Variants in LRTM1 observed in about 807,000 individuals in gnomAD.
LRTM1 encodes the protein leucine rich repeat transmembrane protein 1.
Under a neutral mutation model 32.4 loss-of-function variants are expected in LRTM1, and 38 were observed. The ratio of observed to expected loss-of-function variants is 1.17; its 90% CI spans 0.91 to 1.54. LRTM1 has a LOEUF of 1.54. LRTM1 is among the 40% of genes most tolerant of loss of function. LRTM1 has a pLI of 0.00. For missense variants in LRTM1, 466 were observed against 415.4 expected, an observed-to-expected ratio of 1.12 and a Z score of -1.06; for synonymous variants, 186 against 169.9, an observed-to-expected ratio of 1.09 and a Z score of -0.74.
At chr3:54,946,003 C>T (rs1701605143) in intron 1 of LRTM1, among the ~76,000 whole-genome samples, 1 of 152,204 alleles carries the variant, frequency 6.6e-6, no homozygotes, top group South Asian at 2.1e-4. Flanking sequence ...TAGCTCTTTC[C>T]AAACAGCAGG....
chr3:54,946,294 C>T (rs1231372850), intron 1 of LRTM1, among the ~76,000 whole-genome samples: 2 of 152,168 alleles, frequency 1.3e-5, no homozygotes, highest in African/African-American at 4.8e-5. Context: ...CCCTCTTATA[C>T]TCCTGTACCC....
upstream of LRTM1, among the ~76,000 whole-genome samples, chr3:54,932,706 A>G (rs376630929): frequency 6.6e-6 from 1 of 152,146 alleles, no homozygotes; most frequent in Admixed American, 6.5e-5. Context: ...AAATATGAGC[A>G]TTTCTCCCAA....
chr3:54,952,577 T>A (rs1440107958), intron 1 of LRTM1, among the ~76,000 whole-genome samples: 2 of 152,230 alleles, frequency 1.3e-5, no homozygotes, highest in East Asian at 3.8e-4. Context: ...GGTCATTAAA[T>A]GCATATTTTT....
chr3:54,940,973 T>C (rs1397679498), intron 1 of LRTM1, among the ~76,000 whole-genome samples: 1 of 152,218 alleles, frequency 6.6e-6, no homozygotes, highest in African/African-American at 2.4e-5. Flanking sequence ...ATAAGGGAGA[T>C]TATTTCATAG....
At chr3:54,966,031 C>T (rs1333236741) in intron 1 of LRTM1, among the ~76,000 whole-genome samples, 1 of 152,090 alleles carries the variant, frequency 6.6e-6, no homozygotes, top group Non-Finnish European at 1.5e-5. Flanking sequence ...CCGACAGGGG[C>T]AGATGAGAAC....
At chr3:54,950,221 T>C (rs776990710) in intron 1 of LRTM1, among the ~76,000 whole-genome samples, 16 of 152,368 alleles carry the variant, frequency 1.1e-4, no homozygotes, top group Non-Finnish European at 2.1e-4. Context: ...AACTTCAACA[T>C]GCTCAAGCAA....
At position 54,946,529 on chromosome 3, in the gene LRTM1, G is replaced by A. The variant is rs569248064; in HGVS notation, c.-222+20399C>T. Among the ~76,000 whole-genome samples, 108 of 152,256 alleles carry A rather than the reference G, an allele frequency of 7.1e-4. 2 individuals carry two copies. Among genetic ancestry groups the A allele is most frequent in the Admixed American group, 1.4e-3 (21 of 15,300 alleles). On this transcript the variant is annotated intron_variant, in intron 1 of 2. Coordinates refer to the LRTM1 transcript ENST00000493075. ...CGTTAGCAGCAGGAAAGAAGAGAAA[G>A]CCTCTTAGAAACAGCCCTTCCAGTG...
upstream of LRTM1, among the ~76,000 whole-genome samples, chr3:54,931,231 T>A (rs1194379421): frequency 6.6e-6 from 1 of 152,138 alleles, no homozygotes; most frequent in Non-Finnish European, 1.5e-5. Flanking sequence ...AGCTAATGGG[T>A]TCCTGGCAAC....
chr3:54,955,553 C>A (rs139883366), intron 1 of LRTM1, among the ~76,000 whole-genome samples: 72 of 152,262 alleles, frequency 4.7e-4, no homozygotes, highest in African/African-American at 1.4e-3. Flanking sequence ...CAATACTAAG[C>A]TAGAGGAACG....
upstream of LRTM1, among the ~76,000 whole-genome samples, chr3:54,929,338 G>A (rs1203982294): frequency 2.0e-5 from 3 of 152,164 alleles, no homozygotes; most frequent in Non-Finnish European, 2.9e-5. Context: ...TTTGTATGCT[G>A]CCAACTTCTG....
At chr3:54,940,567 A>G (rs958604930) in intron 1 of LRTM1, among the ~76,000 whole-genome samples, 1 of 152,152 alleles carries the variant, frequency 6.6e-6, no homozygotes, top group Non-Finnish European at 1.5e-5. Context: ...TTGTCTTTAT[A>G]TAATGCAGCA....
chr3:54,951,922 C>T (rs563392185), intron 1 of LRTM1, among the ~76,000 whole-genome samples: 1 of 152,152 alleles, frequency 6.6e-6, no homozygotes, highest in Non-Finnish European at 1.5e-5. Context: ...GATCTCGGCT[C>T]ACTGCAACCT....
chr3:54,966,320 A>T (rs1400451810), intron 1 of LRTM1, among the ~76,000 whole-genome samples: 4 of 152,100 alleles, frequency 2.6e-5, no homozygotes, highest in Admixed American at 2.6e-4. Context: ...GGAAGATGAG[A>T]TTTATTTGAA....
chr3:54,942,415 G>A (rs1287458942), intron 1 of LRTM1, among the ~76,000 whole-genome samples: 3 of 152,204 alleles, frequency 2.0e-5, no homozygotes, highest in African/African-American at 7.2e-5. Context: ...TTGGGCACAG[G>A]GAGAAATAAG....
At position 54,918,321 on chromosome 3, in the gene LRTM1, CTT is replaced by C. The variant is rs60257399; in HGVS notation, c.*136_*137del. 15 of 394,374 alleles carry C rather than the reference CTT, an allele frequency of 3.8e-5. No individual in the cohort carries two copies. Among genetic ancestry groups the C allele is most frequent in the East Asian group, 2.1e-4 (4 of 19,492 alleles). The allele number at this position is 394,374 out of a possible 1,614,324, so 24.4% of individuals were successfully genotyped here. ...CCAGAAATATTTTTTACAGACACAT[CTT>C]TTTTTTTTCTTTTTTTTTTTTTTTT... is the stretch of plus-strand genomic sequence containing the variant. On this transcript the variant is annotated 3_prime_UTR_variant, in exon 3 of 3. Coordinates refer to ENST00000273286, the MANE Select transcript of LRTM1 (RefSeq NM_020678.4).
At chr3:54,956,897 C>G (rs1466604035) in intron 1 of LRTM1, among the ~76,000 whole-genome samples, 1 of 152,084 alleles carries the variant, frequency 6.6e-6, no homozygotes, top group Admixed American at 6.6e-5. Context: ...AGGGAAACCT[C>G]TTTGCCTTTG....
chr3:54,963,782 C>G (rs1702084907), intron 1 of LRTM1, among the ~76,000 whole-genome samples: 1 of 152,174 alleles, frequency 6.6e-6, no homozygotes, highest in African/African-American at 2.4e-5. Context: ...TCTCTCACAT[C>G]TTTTTCTCAA....
intron 1 of LRTM1, among the ~76,000 whole-genome samples, chr3:54,938,973 G>C (rs2106977672): frequency 6.6e-6 from 1 of 152,286 alleles, no homozygotes; most frequent in South Asian, 2.1e-4. Context: ...AGAGGAAGTT[G>C]ATCTGAAAAG....
At chr3:54,923,064 A>G (rs1700899308) in intron 2 of LRTM1, among the ~76,000 whole-genome samples, 1 of 151,858 alleles carries the variant, frequency 6.6e-6, no homozygotes, top group African/African-American at 2.4e-5. Context: ...CTTCTCCCTC[A>G]TCTCCCTGGT....
Sources: gnomAD v4.1 joint callset for allele counts (sites outside exome capture counted in the v4.1 genomes callset) on GRCh38, gnomAD v4.1.1 for gene constraint, MANE v1.5 for transcripts, NCBI Gene and HGNC (gene_info 2026-07-23, HGNC 2026-07-21) for gene names.